Variants in NUP188 observed in about 807,000 individuals in gnomAD.
The protein encoded by NUP188 is nucleoporin 188, also known as nucleoporin NUP188.
Under a neutral mutation model 223.0 loss-of-function variants are expected in NUP188, and 97 were observed. The ratio of observed to expected loss-of-function variants is 0.43; its 90% CI spans 0.37 to 0.51. The LOEUF (loss-of-function observed/expected upper bound fraction) is 0.51. NUP188 is among the 20% of genes least tolerant of loss of function. The pLI, the probability that NUP188 is intolerant of heterozygous loss-of-function variation, is 0.00. For synonymous variants in NUP188, 869 were observed against 828.0 expected (o/e 1.05, Z -0.85); for missense variants, 1,947 against 2,175.6 (o/e 0.89, Z 2.09).
intron 8 of NUP188, among the ~76,000 whole-genome samples, chr9:128,963,100 G>A (rs751862567): frequency 6.6e-6 from 1 of 152,088 alleles, no homozygotes; most frequent in Non-Finnish European, 1.5e-5. Context: ...ATTCCATTGT[G>A]TGGATATACC....
intron 8 of NUP188, among the ~76,000 whole-genome samples, chr9:128,961,134 A>G (rs993426391): frequency 1.9e-4 from 28 of 150,914 alleles, no homozygotes; most frequent in African/African-American, 6.8e-4. Flanking sequence ...AGTCTGGCCA[A>G]TATGGTGAAG....
chr9:128,978,699 T>C (rs550916233), intron 12 of NUP188, among the ~76,000 whole-genome samples: 2 of 152,192 alleles, frequency 1.3e-5, no homozygotes, highest in Non-Finnish European at 2.9e-5. Flanking sequence ...CATCCACCCT[T>C]AAGCAGTTTT....
At chr9:129,003,257 G>T in intron 37 of NUP188, 60 bp from the exon 38 acceptor site, 1 of 1,559,488 alleles carries the variant, frequency 6.4e-7, no homozygotes, top group Non-Finnish European at 8.6e-7. Context: ...GAGGGTAGGT[G>T]TGGGTATGTC....
At chr9:128,999,858 G>T in intron 34 of NUP188, 53 bp downstream of exon 34, 3 of 1,544,250 alleles carry the variant, frequency 1.9e-6, no homozygotes, top group Non-Finnish European at 2.7e-6. Flanking sequence ...CGCCAGCTCT[G>T]TGCCTGACTC....
At chr9:128,987,039 C>T (rs906496803) in intron 22 of NUP188, among the ~76,000 whole-genome samples, 164 bp downstream of exon 22, 1 of 149,536 alleles carries the variant, frequency 6.7e-6, no homozygotes, top group Non-Finnish European at 1.5e-5. Context: ...TTTATCATTT[C>T]TCACTGTGGA....
intron 35 of NUP188, 40 bp from the exon 36 acceptor site, chr9:129,001,844 G>A (rs1182613498): frequency 6.2e-7 from 1 of 1,601,588 alleles, no homozygotes; most frequent in Non-Finnish European, 8.6e-7. Flanking sequence ...GCAGGGCAGG[G>A]GCAGGCTCCA....
In NUP188 at chr9:128,995,299, G is replaced by A. The variant is rs377257853; in HGVS notation, c.3156-20G>A. On this transcript the variant is annotated intron_variant, in intron 29 of 43. Coordinates refer to ENST00000372577, the MANE Select transcript of NUP188 (RefSeq NM_015354.3). Reference sequence around the variant, plus strand: ...ATCTGCTTTCAAAATCTAACTGGAGGTTTTTTCTTGACACTGTAGGGGTTC... The same window carrying A: ...ATCTGCTTTCAAAATCTAACTGGAGATTTTTTCTTGACACTGTAGGGGTTC... 1 of 1,600,634 alleles carries A rather than the reference G, an allele frequency of 6.2e-7. No individual in the cohort carries two copies. The highest frequency in any genetic ancestry group is 8.6e-7 in the Non-Finnish European group (1 of 1,168,352).
At chr9:128,994,341 G>C (rs778859138) in intron 27 of NUP188, 32 bp from the exon 28 acceptor site, 1 of 1,505,312 alleles carries the variant, frequency 6.6e-7, no homozygotes. Context: ...GAGGGAAAAA[G>C]TTATGATTTC....
intron 3 of NUP188, among the ~76,000 whole-genome samples, chr9:128,955,831 A>G (rs1564549901): frequency 1.3e-5 from 2 of 150,938 alleles, no homozygotes; most frequent in Non-Finnish European, 2.9e-5. Flanking sequence ...TGGGTGCTGC[A>G]TGTACCTCCT....
chr9:128,951,675 A>C (rs1337258486), intron 2 of NUP188, among the ~76,000 whole-genome samples: 2 of 152,242 alleles, frequency 1.3e-5, no homozygotes, highest in African/African-American at 4.8e-5. Context: ...TATAATGTTA[A>C]GCAAAGAAAA....
At chr9:128,968,776 T>C in intron 9 of NUP188, 59 bp downstream of exon 9, 1 of 1,327,004 alleles carries the variant, frequency 7.5e-7, no homozygotes, top group Non-Finnish European at 1.1e-6. Flanking sequence ...GATACTATAG[T>C]GGTATGTAAG....
intron 4 of NUP188, 24 bp downstream of exon 4, chr9:128,956,458 C>T: frequency 2.4e-6 from 3 of 1,255,666 alleles, no homozygotes; most frequent in Non-Finnish European, 3.4e-6. Context: ...AGCACTCGCT[C>T]AATTTATTAC....
At chr9:129,001,471 C>T (rs892066902) in intron 34 of NUP188, 58 bp from the exon 35 acceptor site, 13 of 1,552,974 alleles carry the variant, frequency 8.4e-6, no homozygotes, top group South Asian at 7.8e-5. Flanking sequence ...CGCTGCCTGT[C>T]GTCCTCTTCC....
rs1588287523 is a variant in NUP188, at chr9:128,993,667, A to G, written c.2990A>G (p.Asp997Gly). ...CATGCTCTGTGGCAGGATCGGAGGG[A>G]CAGTGCCATGCTGGTCCTCCGAACC... is the stretch of plus-strand genomic sequence containing the variant. ...FLHALWQDRR[D>G]SAMLVLRTKP... The change falls in exon 27 of 44, where the codon GAC (aspartate) becomes GGC (glycine). Residue 997 changes from aspartate (D) to glycine (G), a missense_variant. Around this residue, in one of 3 missense-constraint regions of NUP188, gnomAD observed 905 missense variants for 990.6 expected, o/e 0.91. Coordinates refer to ENST00000372577, the MANE Select transcript of NUP188 (RefSeq NM_015354.3). 6.2e-7 allele frequency: 1 copy of G among 1,614,134 alleles called. No homozygotes were observed. The highest frequency in any genetic ancestry group is 8.5e-7 in the Non-Finnish European group (1 of 1,180,012).
At chr9:128,981,097 G>A (rs1242850145) in intron 14 of NUP188, among the ~76,000 whole-genome samples, 167 bp from the exon 15 acceptor site, 1 of 152,170 alleles carries the variant, frequency 6.6e-6, no homozygotes, top group African/African-American at 2.4e-5. Flanking sequence ...TGAGTTGAGT[G>A]TTAAAGCCCA....
intron 32 of NUP188, 26 bp from the exon 33 acceptor site, chr9:128,999,146 C>T (rs1302095422): frequency 3.7e-6 from 6 of 1,610,634 alleles, no homozygotes; most frequent in Non-Finnish European, 5.1e-6. Context: ...AGCCACCACG[C>T]CTGGCCCACC....
At chr9:128,992,768 T>C (rs1189123682) in intron 25 of NUP188, among the ~76,000 whole-genome samples, 1 of 152,228 alleles carries the variant, frequency 6.6e-6, no homozygotes, top group Non-Finnish European at 1.5e-5. Flanking sequence ...AACATTTGTT[T>C]ACAGTTCCAA....
chr9:128,954,182 A>G (rs919238608), intron 3 of NUP188, among the ~76,000 whole-genome samples: 23 of 151,438 alleles, frequency 1.5e-4, no homozygotes, highest in African/African-American at 4.8e-4. Context: ...CTAGTTGTCA[A>G]GTGCCTGTAG....
rs566673230 is a variant in NUP188 at position 129,000,548 on chromosome 9, G to T, written c.3843+743G>T. 4.0e-5 allele frequency among the ~76,000 whole-genome samples: 6 copies of T among 150,672 alleles called. No individual in the cohort carries two copies. In the South Asian group the frequency reaches 1.3e-3, roughly 32 times the overall value. Reference sequence around the variant, plus strand: ...TTAGCCAGGATGGCCTCGATCTCCTGACCTCGTAATCCGCCCGCCTTGATC... The same window carrying T: ...TTAGCCAGGATGGCCTCGATCTCCTTACCTCGTAATCCGCCCGCCTTGATC... On this transcript the variant is annotated intron_variant, in intron 34 of 43. Transcript: ENST00000372577.
Sources: allele counts gnomAD v4.1 joint callset (sites outside exome capture counted in the v4.1 genomes callset), GRCh38; gene constraint gnomAD v4.1.1; regional missense constraint gnomAD v4.1.1; transcripts MANE v1.5; gene names NCBI Gene and HGNC (gene_info 2026-07-23, HGNC 2026-07-21).